CTNNBL1: variants seen among roughly 807,000 people sequenced by gnomAD.
CTNNBL1 encodes the protein catenin beta like 1.
A neutral mutation model predicts 72.7 loss-of-function variants in CTNNBL1; 31 were observed. That is an observed-to-expected ratio of 0.43 (90% CI 0.32 to 0.58). The LOEUF (loss-of-function observed/expected upper bound fraction) is 0.58, where lower values mean the gene tolerates loss of function less well. CTNNBL1 is among the 20% of genes least tolerant of loss of function. The probability of loss-of-function intolerance (pLI) is 0.08; values close to 1 mark genes in which losing one functional copy is unlikely to be tolerated. For synonymous variants in CTNNBL1, 240 were observed against 267.3 expected, an observed-to-expected ratio of 0.90 and a Z score of 1.00; for missense variants, 534 against 725.1, an observed-to-expected ratio of 0.74 and a Z score of 3.03.
intron 15 of CTNNBL1, among the ~76,000 whole-genome samples, chr20:37,870,450 G>T (rs531363836): frequency 2.6e-5 from 4 of 152,138 alleles, no homozygotes; most frequent in South Asian, 2.1e-4. Context: ...TGGGCTCACT[G>T]TCAGCCTCCC....
At chr20:37,779,866 CTTA>C in intron 10 of CTNNBL1, among the ~76,000 whole-genome samples, 1 of 152,100 alleles carries the variant, frequency 6.6e-6, no homozygotes, top group South Asian at 2.1e-4. Context: ...CCTTGTGTGT[CTTA>C]TTATTTATAC....
chr20:37,787,783 C>A (rs150526209), intron 10 of CTNNBL1, among the ~76,000 whole-genome samples: 5 of 152,184 alleles, frequency 3.3e-5, no homozygotes, highest in African/African-American at 1.2e-4. Context: ...TTTGTCTTAT[C>A]TTTTTTTCAC....
At chr20:37,735,282 C>T (rs1327318668) in intron 2 of CTNNBL1, among the ~76,000 whole-genome samples, 2 of 152,072 alleles carry the variant, frequency 1.3e-5, no homozygotes, top group Non-Finnish European at 2.9e-5. Context: ...GTGCCAGACA[C>T]TGGAGAGTCT....
intron 4 of CTNNBL1, among the ~76,000 whole-genome samples, chr20:37,748,785 T>C (rs2073291216): frequency 6.6e-6 from 1 of 152,180 alleles, no homozygotes; most frequent in Admixed American, 6.5e-5. Context: ...GAGCTCGCTG[T>C]GTCTCTTTTT....
intron 1 of CTNNBL1, among the ~76,000 whole-genome samples, chr20:37,719,761 G>A (rs1481177607): frequency 6.6e-6 from 1 of 152,046 alleles, no homozygotes; most frequent in Non-Finnish European, 1.5e-5. Flanking sequence ...TAGGCAGAAA[G>A]ATTTTGTTTT....
intron 7 of CTNNBL1, 77 bp downstream of exon 7, chr20:37,768,121 G>C (rs569204559): frequency 3.4e-4 from 415 of 1,204,338 alleles, no homozygotes; most frequent in Admixed American, 8.7e-4. Context: ...TATTGGCATA[G>C]ACTGTTATGC....
intron 10 of CTNNBL1, among the ~76,000 whole-genome samples, chr20:37,799,042 C>T (rs981603389): frequency 2.0e-5 from 3 of 152,164 alleles, no homozygotes; most frequent in Non-Finnish European, 4.4e-5. Flanking sequence ...AATTTGGAGC[C>T]TTGTTTACCT....
intron 3 of CTNNBL1, among the ~76,000 whole-genome samples, chr20:37,741,477 T>C (rs932408048): frequency 6.6e-6 from 1 of 152,252 alleles, no homozygotes; most frequent in East Asian, 1.9e-4. Flanking sequence ...AGTTAGTTAA[T>C]ATTCTGTGTC....
chr20:37,735,885 G>A (rs952413984), intron 2 of CTNNBL1, among the ~76,000 whole-genome samples: 2 of 152,142 alleles, frequency 1.3e-5, no homozygotes, highest in Admixed American at 6.5e-5. Context: ...TGTGAGTTAT[G>A]GTCAATGACT....
At position 37,757,610 on chromosome 20, in the gene CTNNBL1, C is replaced by T. The variant is rs747040372; in HGVS notation, c.518C>T (p.Thr173Ile). ...DLLQELTDID[T>I]LHESEEGAEV... is the part of the protein sequence containing the mutation. The stretch of plus-strand genomic sequence containing the variant: ...CTTCAGGAATTAACAGATATAGACA[C>T]CCTCCATGAGAGTGAAGAGGGAGCA... The change falls in exon 5 of 16, where the codon ACC (threonine) becomes ATC (isoleucine). Residue 173 changes from threonine to isoleucine, a missense_variant. By Grantham distance (89) the Thr-to-Ile change is moderately conservative. Coordinates refer to ENST00000361383, the MANE Select transcript of CTNNBL1 (RefSeq NM_030877.5). The T allele has an allele frequency of 6.2e-7, 1 of 1,613,846 alleles. No homozygotes were observed. Among genetic ancestry groups the T allele is most frequent in the South Asian group, 1.1e-5 (1 of 91,058 alleles).
At chr20:37,786,437 C>T (rs955909509) in intron 10 of CTNNBL1, among the ~76,000 whole-genome samples, 12 of 152,168 alleles carry the variant, frequency 7.9e-5, no homozygotes, top group African/African-American at 2.9e-4. Flanking sequence ...CTACCTGATG[C>T]TTTACTCTAT....
At chr20:37,842,448 C>T (rs1187614977) in intron 13 of CTNNBL1, 29 bp downstream of exon 13, 1 of 1,537,574 alleles carries the variant, frequency 6.5e-7, no homozygotes. Context: ...CTTTTGCCAG[C>T]TATTGACTTG....
Position 37,859,948 on chromosome 20 carries a change from T to A in CTNNBL1, c.1442T>A (p.Phe481Tyr). 6.2e-7 allele frequency: 1 copy of A among 1,614,118 alleles called. No homozygotes were observed. The highest frequency in any genetic ancestry group is 2.2e-5 in the East Asian group (1 of 44,884). ...EIIDNDTEEEFYLRRLDAGLF... is the reference protein window; with the variant it reads ...EIIDNDTEEEYYLRRLDAGLF... ...ATCGACAATGACACCGAGGAGGAGT[T>A]CTACCTCCGGCGCCTGGATGCGGGG... The change falls in exon 14 of 16, where the codon TTC becomes TAC. Residue 481 changes from phenylalanine (F) to tyrosine (Y), a missense_variant. Phe to Tyr is a conservative substitution (Grantham distance 22, BLOSUM62 3). Coordinates refer to ENST00000361383, the MANE Select transcript of CTNNBL1 (RefSeq NM_030877.5).
chr20:37,821,383 C>T (rs968005600), intron 11 of CTNNBL1, among the ~76,000 whole-genome samples: 26 of 152,122 alleles, frequency 1.7e-4, no homozygotes, highest in African/African-American at 6.0e-4. Context: ...TTTAAACAGA[C>T]TTAATCAAAA....
chr20:37,725,546 TGCC>T (rs371842454), intron 1 of CTNNBL1, among the ~76,000 whole-genome samples: 4 of 150,782 alleles, frequency 2.7e-5, no homozygotes, highest in East Asian at 2.0e-4. Flanking sequence ...TCTGCCTGCC[TGCC>T]TTGCCTCCCA....
chr20:37,764,488 A>G (rs2073446814), intron 5 of CTNNBL1, among the ~76,000 whole-genome samples: 1 of 151,880 alleles, frequency 6.6e-6, no homozygotes, highest in Non-Finnish European at 1.5e-5. Context: ...ATAGCTGTGT[A>G]GTCTTGGCTG....
At chr20:37,866,940 G>T (rs2072541514) in intron 15 of CTNNBL1, among the ~76,000 whole-genome samples, 1 of 152,138 alleles carries the variant, frequency 6.6e-6, no homozygotes, top group Non-Finnish European at 1.5e-5. Context: ...GGGGCCTTGT[G>T]GGGGTGGGTG....
intron 11 of CTNNBL1, among the ~76,000 whole-genome samples, chr20:37,808,292 A>G (rs1186516836): frequency 6.6e-6 from 1 of 152,230 alleles, no homozygotes. Context: ...CCTAACAGTG[A>G]GGAAATCGGG....
intron 11 of CTNNBL1, among the ~76,000 whole-genome samples, chr20:37,804,451 G>A (rs754508553): frequency 6.6e-6 from 1 of 152,146 alleles, no homozygotes; most frequent in Admixed American, 6.5e-5. Context: ...CAGCCGAGCT[G>A]TGGGTTCTAC....
Sources: allele counts gnomAD v4.1 joint callset (sites outside exome capture counted in the v4.1 genomes callset), GRCh38; gene constraint gnomAD v4.1.1; transcripts MANE v1.5; gene names NCBI Gene and HGNC (gene_info 2026-07-23, HGNC 2026-07-21).